The following LRRC4C variants were observed in gnomAD, a reference collection of about 807,000 sequenced individuals.
LRRC4C encodes leucine-rich repeat-containing protein 4C.
LRRC4C carries 5 observed loss-of-function variants against 33.6 expected under a neutral mutation model. The ratio of observed to expected loss-of-function variants is 0.15; its 90% CI spans 0.08 to 0.31. The LOEUF (loss-of-function observed/expected upper bound fraction) is 0.31. Among genes scored for constraint, LRRC4C ranks in the 10% least tolerant of loss-of-function variants. The probability of loss-of-function intolerance (pLI) is 1.00; values close to 1 mark genes in which losing one functional copy is unlikely to be tolerated. For synonymous variants in LRRC4C, 329 were observed against 302.0 expected (o/e 1.09, Z -0.93); for missense variants, 560 against 796.7 (o/e 0.70, Z 3.58).
chr11:41,336,223 C>T (rs986942536), intron 1 of LRRC4C, among the ~76,000 whole-genome samples: 1 of 151,044 alleles, frequency 6.6e-6, no homozygotes, highest in African/African-American at 2.4e-5. Context: ...AGATGATTCA[C>T]TATGAATTAT....
At chr11:40,140,898 T>A (rs1857320162) in intron 5 of LRRC4C, 45 bp from the exon 6 acceptor site, 1 of 152,158 alleles carries the variant, frequency 6.6e-6, no homozygotes, top group Non-Finnish European at 1.5e-5. Context: ...AAAGCATCCA[T>A]TAGAATAATT....
intron 2 of LRRC4C, among the ~76,000 whole-genome samples, chr11:40,728,653 T>C (rs76898082): frequency 0.04 from 5,753 of 145,294 alleles, 400 homozygotes; most frequent in African/African-American, 0.14. Flanking sequence ...AAAAAATTCA[T>C]GTTATCAAAA....
chr11:40,599,755 G>A (rs1959782550), intron 3 of LRRC4C, among the ~76,000 whole-genome samples: 1 of 152,140 alleles, frequency 6.6e-6, no homozygotes, highest in South Asian at 2.1e-4. Context: ...GATAGAAGAG[G>A]TACTTAAGAT....
At chr11:41,293,996 G>A (rs1950067302) in intron 1 of LRRC4C, among the ~76,000 whole-genome samples, 1 of 152,100 alleles carries the variant, frequency 6.6e-6, no homozygotes, top group Admixed American at 6.6e-5. Context: ...TTAAATGAAA[G>A]ACAATTGAAC....
At chr11:40,999,655 A>AT (rs146330865) in intron 1 of LRRC4C, among the ~76,000 whole-genome samples, 6,677 of 152,074 alleles carry the variant, frequency 0.044, 199 homozygotes, top group Non-Finnish European at 0.067. Flanking sequence ...TCAGATCAAT[A>AT]TTTTTTTTAA....
At chr11:40,299,450 A>G (rs1249617876) in intron 4 of LRRC4C, among the ~76,000 whole-genome samples, 1 of 152,236 alleles carries the variant, frequency 6.6e-6, no homozygotes, top group Non-Finnish European at 1.5e-5. Flanking sequence ...TGAAAAAGGA[A>G]AGTAGATGAG....
chr11:40,162,058 A>C (rs1023046118), intron 5 of LRRC4C, among the ~76,000 whole-genome samples: 1 of 152,088 alleles, frequency 6.6e-6, no homozygotes, highest in Admixed American at 6.6e-5. Context: ...TTAAATATTC[A>C]TGAATAAGTA....
intron 1 of LRRC4C, among the ~76,000 whole-genome samples, chr11:41,304,523 T>G (rs1465839526): frequency 1.0e-5 from 1 of 96,008 alleles, no homozygotes; most frequent in Non-Finnish European, 2.1e-5. Context: ...GGGAGGGAGG[T>G]GGGGGTATCA....
chr11:41,132,638 T>C (rs1356905210), intron 1 of LRRC4C, among the ~76,000 whole-genome samples: 1 of 152,126 alleles, frequency 6.6e-6, no homozygotes, highest in East Asian at 1.9e-4. Context: ...TAAGCAATTG[T>C]GGGTGGTTTG....
chr11:40,841,654 G>T (rs1591853387), intron 2 of LRRC4C, among the ~76,000 whole-genome samples: 1 of 152,220 alleles, frequency 6.6e-6, no homozygotes, highest in Non-Finnish European at 1.5e-5. Context: ...GCCTCCAGAA[G>T]TATGAGAAAT....
At chr11:40,585,128 T>A (rs559774101) in intron 3 of LRRC4C, among the ~76,000 whole-genome samples, 2 of 152,128 alleles carry the variant, frequency 1.3e-5, no homozygotes, top group Admixed American at 1.3e-4. Flanking sequence ...GACCATGCAA[T>A]GCTTATAGAC....
intron 3 of LRRC4C, among the ~76,000 whole-genome samples, chr11:40,477,864 A>T (rs111297838): frequency 0.012 from 1,792 of 152,268 alleles, 17 homozygotes; most frequent in African/African-American, 0.027. Flanking sequence ...TAGCTCCCAT[A>T]ATTCCCACGT....
At chr11:40,858,419 G>A (rs1348235906) in intron 2 of LRRC4C, among the ~76,000 whole-genome samples, 1 of 152,008 alleles carries the variant, frequency 6.6e-6, no homozygotes, top group East Asian at 1.9e-4. Context: ...CATGTTTCCA[G>A]GCACATGGTT....
intron 1 of LRRC4C, among the ~76,000 whole-genome samples, chr11:41,325,089 T>C (rs1406997164): frequency 2.6e-5 from 4 of 152,190 alleles, no homozygotes; most frequent in African/African-American, 9.6e-5. Flanking sequence ...TTATAAGATT[T>C]AAAAAATATA....
chr11:41,307,364 T>C (rs1363143069), intron 1 of LRRC4C, among the ~76,000 whole-genome samples: 2 of 152,150 alleles, frequency 1.3e-5, no homozygotes, highest in Non-Finnish European at 2.9e-5. Context: ...AAAAAATGCT[T>C]TCTTGTCTTC....
At chr11:41,200,453 C>A (rs1469487976) in intron 1 of LRRC4C, among the ~76,000 whole-genome samples, 2 of 152,018 alleles carry the variant, frequency 1.3e-5, no homozygotes, top group Non-Finnish European at 2.9e-5. Flanking sequence ...TATTATTTTG[C>A]TTTTAGAGGT....
intron 2 of LRRC4C, among the ~76,000 whole-genome samples, chr11:40,895,031 C>T (rs567028905): frequency 6.6e-5 from 10 of 151,990 alleles, no homozygotes; most frequent in African/African-American, 1.7e-4. Context: ...GGCTTGATAG[C>T]TAATTTCTAA....
At chr11:41,004,092 G>A (rs1854568261) in intron 1 of LRRC4C, among the ~76,000 whole-genome samples, 1 of 152,112 alleles carries the variant, frequency 6.6e-6, no homozygotes, top group Non-Finnish European at 1.5e-5. Flanking sequence ...ACACCCCATT[G>A]TTCACTTCTA....
chr11:41,278,119 T>C (rs1949542243), intron 1 of LRRC4C, among the ~76,000 whole-genome samples: 1 of 152,160 alleles, frequency 6.6e-6, no homozygotes, highest in Non-Finnish European at 1.5e-5. Context: ...ATCTATTTCA[T>C]GCCATGGTTA....
Sources: allele counts gnomAD v4.1 joint callset (sites outside exome capture counted in the v4.1 genomes callset), GRCh38; gene constraint gnomAD v4.1.1; transcripts MANE v1.5; gene names NCBI Gene and HGNC (gene_info 2026-07-23, HGNC 2026-07-21).